AGBL4: variants seen among roughly 807,000 people sequenced by gnomAD.
AGBL4 encodes the protein AGBL carboxypeptidase 4.
In AGBL4, 58 loss-of-function variants were observed where a neutral mutation model predicts 66.4. The ratio of observed to expected loss-of-function variants is 0.87; its 90% CI spans 0.71 to 1.09. The LOEUF is 1.09. Ranked by LOEUF, AGBL4 falls within the 50% of genes least tolerant of loss-of-function variation. AGBL4 has a pLI of 0.00. For synonymous variants in AGBL4, 234 were observed against 222.9 expected (o/e 1.05, Z -0.44); for missense variants, 579 against 631.0 (o/e 0.92, Z 0.88).
intron 1 of AGBL4, among the ~76,000 whole-genome samples, chr1:49,992,199 G>A (rs1001422892): frequency 2.0e-5 from 3 of 151,822 alleles, no homozygotes; most frequent in East Asian, 1.9e-4. Flanking sequence ...GTGAAACCCC[G>A]TCTCTACTAA....
At chr1:48,855,950 G>A (rs1647140075) in intron 6 of AGBL4, among the ~76,000 whole-genome samples, 1 of 151,978 alleles carries the variant, frequency 6.6e-6, no homozygotes, top group Non-Finnish European at 1.5e-5. Flanking sequence ...CAAGAATCAA[G>A]TTAAATATCC....
intron 3 of AGBL4, among the ~76,000 whole-genome samples, chr1:49,370,745 AAT>A (rs1467834252): frequency 2.0e-5 from 3 of 152,190 alleles, no homozygotes; most frequent in Non-Finnish European, 2.9e-5. Flanking sequence ...TATGAGATAA[AAT>A]ATATAAAATG....
intron 4 of AGBL4, among the ~76,000 whole-genome samples, chr1:49,218,588 A>G (rs530758347): frequency 6.6e-6 from 1 of 152,234 alleles, no homozygotes; most frequent in East Asian, 1.9e-4. Context: ...AGTAGTCTTT[A>G]TATTGTCTCA....
At chr1:49,533,519 G>GCTGAATCAGATGACTA (rs1651310413) in intron 3 of AGBL4, among the ~76,000 whole-genome samples, 1 of 152,026 alleles carries the variant, frequency 6.6e-6, no homozygotes, top group African/African-American at 2.4e-5. Flanking sequence ...AACCTTAGGG[G>GCTGAATCAGATGACTA]CTGAATCAGA....
chr1:49,560,335 A>G (rs1644007437), intron 3 of AGBL4, among the ~76,000 whole-genome samples: 1 of 152,204 alleles, frequency 6.6e-6, no homozygotes, highest in Non-Finnish European at 1.5e-5. Flanking sequence ...CAATTCATGT[A>G]CTGAAGAATG....
intron 6 of AGBL4, among the ~76,000 whole-genome samples, chr1:48,690,074 G>A (rs928351107): frequency 6.6e-6 from 1 of 152,254 alleles, no homozygotes; most frequent in Admixed American, 6.5e-5. Flanking sequence ...GGTCAAGAGG[G>A]CAGCAAGTCT....
intron 5 of AGBL4, among the ~76,000 whole-genome samples, chr1:48,957,286 G>T (rs1657557835): frequency 6.6e-6 from 1 of 152,098 alleles, no homozygotes; most frequent in Non-Finnish European, 1.5e-5. Context: ...GTATGCTTTA[G>T]AACTTAGCTG....
intron 5 of AGBL4, among the ~76,000 whole-genome samples, chr1:48,998,501 G>A (rs919304530): frequency 3.3e-5 from 5 of 152,132 alleles, no homozygotes; most frequent in African/African-American, 1.2e-4. Flanking sequence ...TAAATACCAG[G>A]CATGTCACCA....
chr1:49,533,250 C>T (rs1159784116), intron 3 of AGBL4, among the ~76,000 whole-genome samples: 2 of 152,138 alleles, frequency 1.3e-5, no homozygotes, highest in African/African-American at 4.8e-5. Flanking sequence ...TAATCTGGGT[C>T]CTGGACTTCC....
chr1:49,412,029 T>A (rs1296878933), intron 3 of AGBL4, among the ~76,000 whole-genome samples: 1 of 152,220 alleles, frequency 6.6e-6, no homozygotes, highest in Admixed American at 6.5e-5. Flanking sequence ...AATTTGTTCA[T>A]TCACTCATGT....
intron 3 of AGBL4, among the ~76,000 whole-genome samples, chr1:49,596,057 T>C (rs909992638): frequency 6.6e-6 from 1 of 152,056 alleles, no homozygotes; most frequent in African/African-American, 2.4e-5. Context: ...ACAGAAAGAA[T>C]GAGAATTTTG....
rs143336550 is a variant in AGBL4, at chr1:48,680,197, C to A, written c.635-16956G>T. Among the ~76,000 whole-genome samples the A allele has an allele frequency of 7.2e-5, 11 of 152,302 alleles. No homozygotes were observed. The East Asian group carries it at 1.5e-3, about 21-fold the overall frequency. Reference sequence around the variant, plus strand: ...TTCAGACTGGGAAGATGAACTTTAACCCTGTCAAAAAATGAGAACAAATTA... The same window carrying A: ...TTCAGACTGGGAAGATGAACTTTAAACCTGTCAAAAAATGAGAACAAATTA... On this transcript the variant is annotated intron_variant, in intron 6 of 13. Transcript: ENST00000371839.
chr1:49,345,538 C>T (rs974590701), intron 3 of AGBL4, among the ~76,000 whole-genome samples: 1 of 152,114 alleles, frequency 6.6e-6, no homozygotes, highest in African/African-American at 2.4e-5. Flanking sequence ...GACAACTCAT[C>T]TGTTCATAAA....
At chr1:49,541,326 T>C (rs1163031768) in intron 3 of AGBL4, among the ~76,000 whole-genome samples, 1 of 151,640 alleles carries the variant, frequency 6.6e-6, no homozygotes, top group African/African-American at 2.4e-5. Flanking sequence ...TGCAGAGAGG[T>C]GTGGAGGGAG....
chr1:48,934,936 A>T lies in AGBL4; in HGVS notation c.595-67706T>A, dbSNP rs17105250. Among the ~76,000 whole-genome samples, 6 of 152,284 alleles carry T rather than the reference A, an allele frequency of 3.9e-5. No homozygotes were observed. In the South Asian group the frequency reaches 1.2e-3, roughly 32 times the overall value. ...GCTTTTGGTGTACTTACCTAACTCA[A>T]TGAGCCCTGTACCTTGTCTCTAGAA... On this transcript the variant is annotated intron_variant, in intron 5 of 13. Coordinates refer to ENST00000371839, the MANE Select transcript of AGBL4 (RefSeq NM_032785.4).
chr1:48,862,668 C>CATTT (rs1647598847), intron 6 of AGBL4, among the ~76,000 whole-genome samples: 1 of 152,212 alleles, frequency 6.6e-6, no homozygotes, highest in Non-Finnish European at 1.5e-5. Context: ...TAACTGGACT[C>CATTT]TGCAAATGGC....
chr1:48,714,164 G>A (rs531307490), intron 6 of AGBL4, among the ~76,000 whole-genome samples: 24 of 152,286 alleles, frequency 1.6e-4, no homozygotes, highest in African/African-American at 5.5e-4. Flanking sequence ...GTCTTACTTT[G>A]AGAGACAATC....
intron 6 of AGBL4, among the ~76,000 whole-genome samples, chr1:48,848,127 G>A (rs1004567303): frequency 1.3e-5 from 2 of 152,124 alleles, no homozygotes; most frequent in African/African-American, 2.4e-5. Flanking sequence ...TGAAGCCAGG[G>A]GACACTGAGA....
chr1:49,279,798 G>C (rs1476230742), intron 3 of AGBL4, among the ~76,000 whole-genome samples: 1 of 152,086 alleles, frequency 6.6e-6, no homozygotes, highest in East Asian at 1.9e-4. Context: ...ATTATTCCTG[G>C]GCTTAAGCCA....
Sources: allele counts gnomAD v4.1 joint callset (sites outside exome capture counted in the v4.1 genomes callset), GRCh38; gene constraint gnomAD v4.1.1; transcripts MANE v1.5; gene names NCBI Gene and HGNC (gene_info 2026-07-23, HGNC 2026-07-21).